PLXDC2: variants seen among roughly 807,000 people sequenced by gnomAD.
PLXDC2 encodes plexin domain containing 2.
PLXDC2 carries 40 observed loss-of-function variants against 68.9 expected under a neutral mutation model. The ratio of observed to expected loss-of-function variants is 0.58; its 90% CI spans 0.45 to 0.76. PLXDC2 has a LOEUF of 0.76. PLXDC2 is among the 30% of genes least tolerant of loss of function. The pLI is 0.00. For synonymous variants in PLXDC2, 243 were observed against 234.2 expected (o/e 1.04, Z -0.34); for missense variants, 644 against 661.9 (o/e 0.97, Z 0.30).
intron 12 of PLXDC2, among the ~76,000 whole-genome samples, chr10:20,234,663 C>CTTTTTTTTTTTTTTTTTTTTTTTTTTCT (rs58791520): frequency 8.0e-6 from 1 of 125,422 alleles, no homozygotes; most frequent in Admixed American, 8.3e-5. Flanking sequence ...GGGTTTCTTT[C>CTTTTTTTTTTTTTTTTTTTTTTTTTTCT]TTTTTTTTTT....
At chr10:19,933,988 A>G (rs1257438919) in intron 1 of PLXDC2, among the ~76,000 whole-genome samples, 1 of 152,156 alleles carries the variant, frequency 6.6e-6, no homozygotes, top group Non-Finnish European at 1.5e-5. Context: ...CTTTTTGTCA[A>G]TTCTTCTTGT....
chr10:20,274,532 C>T (rs76323382), intron 13 of PLXDC2, among the ~76,000 whole-genome samples: 6,275 of 152,086 alleles, frequency 0.041, 210 homozygotes, highest in South Asian at 0.076. Flanking sequence ...GATGAGCTGA[C>T]GCAGGAAAAT....
At chr10:19,980,249 G>A (rs1306595395) in intron 1 of PLXDC2, among the ~76,000 whole-genome samples, 2 of 152,126 alleles carry the variant, frequency 1.3e-5, no homozygotes, top group African/African-American at 4.8e-5. Flanking sequence ...CTAGTTGAAG[G>A]GTTCAGTATA....
At chr10:19,969,642 T>C (rs1211917224) in intron 1 of PLXDC2, among the ~76,000 whole-genome samples, 2 of 152,206 alleles carry the variant, frequency 1.3e-5, no homozygotes, top group Non-Finnish European at 1.5e-5. Context: ...CCTTTGGACA[T>C]ACCATGGGAA....
chr10:20,106,467 A>T (rs1288768672), intron 4 of PLXDC2, among the ~76,000 whole-genome samples: 1 of 152,188 alleles, frequency 6.6e-6, no homozygotes, highest in Non-Finnish European at 1.5e-5. Context: ...CAGTGCTGGA[A>T]TCTGGCCTGT....
intron 12 of PLXDC2, among the ~76,000 whole-genome samples, chr10:20,234,695 T>C (rs1835411038): frequency 6.6e-6 from 1 of 151,156 alleles, no homozygotes. Context: ...TTTTCCTGCT[T>C]CTTATTCTGT....
intron 7 of PLXDC2, among the ~76,000 whole-genome samples, chr10:20,167,323 AG>A (rs937920542): frequency 2.0e-5 from 3 of 152,166 alleles, no homozygotes; most frequent in African/African-American, 7.2e-5. Context: ...CTCAGCTAAC[AG>A]AAAGTGCATC....
chr10:20,035,157 C>A (rs2131671205), intron 2 of PLXDC2, among the ~76,000 whole-genome samples: 1 of 152,134 alleles, frequency 6.6e-6, no homozygotes, highest in East Asian at 1.9e-4. Context: ...GGAAAGTTAT[C>A]TTTATTTGCA....
intron 4 of PLXDC2, among the ~76,000 whole-genome samples, chr10:20,082,580 G>T (rs928435102): frequency 5.9e-5 from 9 of 152,120 alleles, no homozygotes; most frequent in African/African-American, 2.2e-4. Flanking sequence ...AAGTTTTGTA[G>T]CTCGATATTT....
At chr10:20,117,428 T>C (rs1833636806) in intron 4 of PLXDC2, among the ~76,000 whole-genome samples, 1 of 152,084 alleles carries the variant, frequency 6.6e-6, no homozygotes, top group Non-Finnish European at 1.5e-5. Flanking sequence ...TGTGTGTGAG[T>C]GCACATGTAT....
intron 4 of PLXDC2, among the ~76,000 whole-genome samples, chr10:20,126,474 T>C (rs372364052): frequency 0.079 from 3,315 of 42,018 alleles, 903 homozygotes; most frequent in East Asian, 0.25. Flanking sequence ...ACGTTATATA[T>C]GTATATATAA....
At chr10:20,041,044 C>T (rs1042908245) in intron 2 of PLXDC2, among the ~76,000 whole-genome samples, 10 of 151,906 alleles carry the variant, frequency 6.6e-5, no homozygotes, top group African/African-American at 2.2e-4. Flanking sequence ...GTCATTTTTC[C>T]CTTTACATAA....
intron 4 of PLXDC2, among the ~76,000 whole-genome samples, chr10:20,113,634 A>T (rs186013809): frequency 1.4e-3 from 218 of 152,186 alleles, no homozygotes; most frequent in East Asian, 3.9e-3. Flanking sequence ...TTAAAAAAAA[A>T]TTTTTTTGAA....
At chr10:19,897,235 T>G (rs559504033) in intron 1 of PLXDC2, among the ~76,000 whole-genome samples, 2 of 137,614 alleles carry the variant, frequency 1.5e-5, no homozygotes, top group Non-Finnish European at 3.2e-5. Context: ...CTCTTTTTTT[T>G]TTTGTTTTTT....
At chr10:20,047,087 AT>A (rs1274941579) in intron 3 of PLXDC2, 72 bp downstream of exon 3, 41 of 1,409,390 alleles carry the variant, frequency 2.9e-5, no homozygotes, top group Non-Finnish European at 3.9e-5. Context: ...GCCTACAACC[AT>A]TTCTTTTATG....
intron 2 of PLXDC2, among the ~76,000 whole-genome samples, chr10:20,015,100 T>C (rs1835188264): frequency 6.6e-6 from 1 of 152,158 alleles, no homozygotes; most frequent in Non-Finnish European, 1.5e-5. Flanking sequence ...GGGACAAATA[T>C]TAATTTTCTC....
chr10:19,885,454 C>A (rs146215957), intron 1 of PLXDC2, among the ~76,000 whole-genome samples: 12,616 of 152,164 alleles, frequency 0.083, 659 homozygotes, highest in Non-Finnish European at 0.12. Context: ...ATGATAATGC[C>A]TAAGTTTTCT....
At chr10:19,992,060 A>G (rs900480047) in intron 1 of PLXDC2, among the ~76,000 whole-genome samples, 1 of 152,216 alleles carries the variant, frequency 6.6e-6, no homozygotes, top group African/African-American at 2.4e-5. Flanking sequence ...TGTTTTACCA[A>G]GTGGTTTTAG....
intron 1 of PLXDC2, among the ~76,000 whole-genome samples, chr10:19,996,600 TAAAC>T (rs1464426513): frequency 6.6e-6 from 1 of 151,452 alleles, no homozygotes; most frequent in Non-Finnish European, 1.5e-5. Flanking sequence ...AACAAACAAA[TAAAC>T]AAACAGGCTA....
Sources: gnomAD v4.1 joint callset for allele counts (sites outside exome capture counted in the v4.1 genomes callset) on GRCh38, gnomAD v4.1.1 for gene constraint, MANE v1.5 for transcripts, NCBI Gene and HGNC (gene_info 2026-07-23, HGNC 2026-07-21) for gene names.